SFI1: variants seen among roughly 807,000 people sequenced by gnomAD.
SFI1 encodes the protein SFI1 centrin binding protein.
SFI1 carries 195 observed loss-of-function variants against 207.5 expected under a neutral mutation model. The observed-to-expected ratio is 0.94, with a 90% CI of 0.84 to 1.06. The LOEUF is 1.06. Ranked by LOEUF, SFI1 falls within the 50% of genes least tolerant of loss-of-function variation. The pLI, the probability that SFI1 is intolerant of heterozygous loss-of-function variation, is 0.00. For missense variants in SFI1, 1,634 were observed against 1,588.0 expected, an observed-to-expected ratio of 1.03 and a Z score of -0.49; for synonymous variants, 630 against 598.9, an observed-to-expected ratio of 1.05 and a Z score of -0.76.
chr22:31,525,059 G>A (rs865987107), intron 2 of SFI1, among the ~76,000 whole-genome samples: 2 of 152,046 alleles, frequency 1.3e-5, no homozygotes, highest in South Asian at 2.1e-4. Context: ...CTCCGAAACT[G>A]CTGGGATTAC....
intron 15 of SFI1, among the ~76,000 whole-genome samples, chr22:31,598,666 C>G (rs2067551635): frequency 1.4e-5 from 2 of 140,696 alleles, no homozygotes. Context: ...ATCCGCCCGC[C>G]TCGGCCTCCC....
At chr22:31,616,672 A>G (rs45594940) in intron 29 of SFI1, 73 bp from the exon 30 acceptor site, 91,016 of 1,474,390 alleles carry the variant, frequency 0.062, 2,998 homozygotes, top group African/African-American at 0.092. Flanking sequence ...AGGCAGTGAC[A>G]AGGACTTGGT....
chr22:31,560,042 T>G (rs1301033173), intron 7 of SFI1: 1 of 248,954 alleles, frequency 4.0e-6, no homozygotes, highest in East Asian at 9.8e-5. Flanking sequence ...ATGCTGGGGC[T>G]GTATTCAGGG....
intron 15 of SFI1, among the ~76,000 whole-genome samples, chr22:31,593,557 G>A (rs2066502879): frequency 8.1e-6 from 1 of 122,822 alleles, no homozygotes; most frequent in Non-Finnish European, 1.7e-5. Flanking sequence ...GACGATGGGC[G>A]GCCAGGCAGA....
chr22:31,614,028 AGAGG>A (rs2070890038), intron 27 of SFI1, 173 bp downstream of exon 27: 2 of 844,760 alleles, frequency 2.4e-6, no homozygotes, highest in Non-Finnish European at 3.4e-6. Flanking sequence ...TCCCACGGCA[AGAGG>A]GAGAGAATGG....
chr22:31,540,468 G>C (rs2059374901), intron 4 of SFI1, among the ~76,000 whole-genome samples: 1 of 151,896 alleles, frequency 6.6e-6, no homozygotes, highest in African/African-American at 2.4e-5. Flanking sequence ...TACTAGTAAA[G>C]ACGGGGTTTC....
intron 14 of SFI1, among the ~76,000 whole-genome samples, chr22:31,586,848 A>G (rs2065087199): frequency 6.6e-6 from 1 of 152,180 alleles, no homozygotes; most frequent in Non-Finnish European, 1.5e-5. Context: ...CTGATCTAGC[A>G]CGGCCTGCTT....
chr22:31,504,122 C>G lies in SFI1; in HGVS notation c.-30-4133C>G, dbSNP rs140330934. On this transcript the variant is annotated intron_variant, in intron 1 of 32. Transcript: ENST00000400288. Reference sequence around the variant, plus strand: ...TTTTAGTGGGGAAGGCAGACATGTACAAATAGGTAGAATGCTGGTATAGAG... The same window carrying G: ...TTTTAGTGGGGAAGGCAGACATGTAGAAATAGGTAGAATGCTGGTATAGAG... Among the ~76,000 whole-genome samples, 291 of 152,090 alleles carry G rather than the reference C, an allele frequency of 1.9e-3. 6 individuals carry two copies. The East Asian group carries it at 0.049, about 25-fold the overall frequency.
At chr22:31,614,347 CTGA>C in intron 27 of SFI1, 1 of 371,202 alleles carries the variant, frequency 2.7e-6, no homozygotes, top group East Asian at 6.9e-5. Flanking sequence ...CTGCCCCATG[CTGA>C]TGAAGCTGGT....
At chr22:31,578,259 A>C in intron 10 of SFI1, 123 bp from the exon 11 acceptor site, 1 of 791,046 alleles carries the variant, frequency 1.3e-6, no homozygotes, top group Non-Finnish European at 1.9e-6. Context: ...ACAGAGGTGG[A>C]CCTCAGCCCA....
At chr22:31,561,457 G>A (rs2061692099) in intron 8 of SFI1, 65 bp downstream of exon 8, 2 of 1,356,164 alleles carry the variant, frequency 1.5e-6, no homozygotes, top group African/African-American at 1.4e-5. Context: ...CACCCACAGA[G>A]GGCAGTGCTG....
At chr22:31,593,135 A>ACC (rs546470043) in intron 15 of SFI1, among the ~76,000 whole-genome samples, 30 of 100,194 alleles carry the variant, frequency 3.0e-4, no homozygotes, top group South Asian at 2.2e-3. Flanking sequence ...CGGGGGGCTG[A>ACC]CCCCCCCCCA....
At chr22:31,612,427 A>ATATATATATATATATATATATAT (rs1569462696) in intron 24 of SFI1, 2 of 124,752 alleles carry the variant, frequency 1.6e-5, no homozygotes, top group Admixed American at 8.2e-5. Flanking sequence ...ATATATATAT[A>ATATATATATATATATATATATAT]ATCAGTGGGC....
chr22:31,513,739 G>C (rs1408781893), intron 2 of SFI1, among the ~76,000 whole-genome samples: 1 of 151,866 alleles, frequency 6.6e-6, no homozygotes. Flanking sequence ...CACCATGCCT[G>C]GCTAATTTTT....
At chr22:31,517,924 C>T (rs2056749201) in intron 2 of SFI1, among the ~76,000 whole-genome samples, 1 of 152,150 alleles carries the variant, frequency 6.6e-6, no homozygotes, top group African/African-American at 2.4e-5. Flanking sequence ...TTTTGTAATT[C>T]TATGAAAGCT....
chr22:31,575,420 A>G (rs1352945509), intron 10 of SFI1, 28 bp downstream of exon 10: 5 of 1,558,354 alleles, frequency 3.2e-6, no homozygotes, highest in African/African-American at 1.4e-5. Flanking sequence ...CAGGCTGTCC[A>G]TTGCCTCAGC....
intron 8 of SFI1, among the ~76,000 whole-genome samples, chr22:31,565,908 G>T (rs1433357348): frequency 6.6e-6 from 1 of 151,970 alleles, no homozygotes; most frequent in Non-Finnish European, 1.5e-5. Context: ...GCCTCAAGCA[G>T]TTCTTACACC....
chr22:31,521,699 G>A (rs2057281277), intron 2 of SFI1: 1 of 152,140 alleles, frequency 6.6e-6, no homozygotes, highest in Non-Finnish European at 1.5e-5. Flanking sequence ...ACTGCCCAGA[G>A]AGTTTATGTT....
intron 15 of SFI1, among the ~76,000 whole-genome samples, chr22:31,595,738 A>G (rs917087171): frequency 2.0e-5 from 3 of 152,174 alleles, no homozygotes; most frequent in South Asian, 2.1e-4. Context: ...CCTGTGAGTG[A>G]GAGGGTGAGG....
Sources: allele counts gnomAD v4.1 joint callset (sites outside exome capture counted in the v4.1 genomes callset), GRCh38; gene constraint gnomAD v4.1.1; transcripts MANE v1.5; gene names NCBI Gene and HGNC (gene_info 2026-07-23, HGNC 2026-07-21).